UGT1A7: variants seen among roughly 807,000 people sequenced by gnomAD.
The protein encoded by UGT1A7 is UDP-glucuronosyltransferase 1A7.
UGT1A7 carries 33 observed loss-of-function variants against 45.6 expected under a neutral mutation model. That is an observed-to-expected ratio of 0.72 (90% confidence interval 0.55 to 0.97). The LOEUF (loss-of-function observed/expected upper bound fraction) is 0.97. UGT1A7 is among the 50% of genes least tolerant of loss of function. The pLI is 0.00. For synonymous variants in UGT1A7, 274 were observed against 250.6 expected, an observed-to-expected ratio of 1.09 and a Z score of -0.88; for missense variants, 684 against 666.2, an observed-to-expected ratio of 1.03 and a Z score of -0.29.
chr2:233,718,208 A>C (rs934013354), intron 1 of UGT1A7, among the ~76,000 whole-genome samples: 2 of 152,102 alleles, frequency 1.3e-5, no homozygotes, highest in Non-Finnish European at 2.9e-5. Context: ...TTTTTTTTAT[A>C]TTGACAGCCA....
intron 1 of UGT1A7, among the ~76,000 whole-genome samples, chr2:233,739,592 T>C (rs1481710171): frequency 2.0e-5 from 3 of 152,236 alleles, no homozygotes; most frequent in South Asian, 2.1e-4. Flanking sequence ...ATGGGGCCTA[T>C]AGCCCCTTTG....
At chr2:233,727,146 G>T (rs2077588157) in intron 1 of UGT1A7, among the ~76,000 whole-genome samples, 1 of 152,194 alleles carries the variant, frequency 6.6e-6, no homozygotes, top group Non-Finnish European at 1.5e-5. Context: ...GACCACACAG[G>T]TCAGTCTTTC....
At chr2:233,759,276 T>C (rs943055975) in intron 1 of UGT1A7, among the ~76,000 whole-genome samples, 1 of 152,134 alleles carries the variant, frequency 6.6e-6, no homozygotes, top group African/African-American at 2.4e-5. Context: ...TGCATTCTGA[T>C]TGGTTGATGA....
Position 233,772,250 on chromosome 2 carries a change from CT to C in UGT1A7, c.1296-9del, listed in dbSNP as rs1325171114. 1.9e-6 allele frequency: 3 copies of C among 1,614,110 alleles called. No homozygotes were observed. Reference sequence around the variant, plus strand: ...GGTGTTCCAGGCATAACGAAACTGTCTTTGTGTTTAGTTACAAGGAGAACAT... The same window carrying C: ...GGTGTTCCAGGCATAACGAAACTGTCTTGTGTTTAGTTACAAGGAGAACAT... On this transcript the variant is annotated splice_polypyrimidine_tract_variant and intron_variant, in intron 4 of 4. Coordinates refer to ENST00000373426, the MANE Select transcript of UGT1A7 (RefSeq NM_019077.3).
At chr2:233,713,498 T>A in intron 1 of UGT1A7, 1 of 1,614,012 alleles carries the variant, frequency 6.2e-7, no homozygotes, top group Non-Finnish European at 8.5e-7. Context: ...CGATTCCTGC[T>A]GTGTTTTTCT....
At chr2:233,737,798 AC>A (rs2125811044) in intron 1 of UGT1A7, among the ~76,000 whole-genome samples, 1 of 151,388 alleles carries the variant, frequency 6.6e-6, no homozygotes, top group African/African-American at 2.4e-5. Flanking sequence ...TCAAATCTTC[AC>A]TATCATCTCA....
At chr2:233,731,616 A>C (rs1404847931) in intron 1 of UGT1A7, among the ~76,000 whole-genome samples, 2 of 152,182 alleles carry the variant, frequency 1.3e-5, no homozygotes, top group Non-Finnish European at 2.9e-5. Flanking sequence ...ACATGAACTC[A>C]TCCTTTTTTA....
chr2:233,744,670 C>T (rs1462469986), intron 1 of UGT1A7, among the ~76,000 whole-genome samples: 1 of 151,906 alleles, frequency 6.6e-6, no homozygotes, highest in Non-Finnish European at 1.5e-5. Flanking sequence ...TGATATTACA[C>T]ATCACCCATG....
At chr2:233,725,394 T>G (rs2077443989) in intron 1 of UGT1A7, among the ~76,000 whole-genome samples, 1 of 151,450 alleles carries the variant, frequency 6.6e-6, no homozygotes, top group Admixed American at 6.6e-5. Flanking sequence ...ATAGGTTACC[T>G]TGATGGTCTA....
At chr2:233,709,335 C>T (rs1308600702) in intron 1 of UGT1A7, among the ~76,000 whole-genome samples, 1 of 152,154 alleles carries the variant, frequency 6.6e-6, no homozygotes, top group African/African-American at 2.4e-5. Flanking sequence ...ACTAGTTTGT[C>T]ATATAAACCT....
At chr2:233,744,055 C>T (rs115067532) in intron 1 of UGT1A7, 5 of 645,238 alleles carry the variant, frequency 7.7e-6, no homozygotes, top group Admixed American at 3.6e-5. Flanking sequence ...TCTCATTGGT[C>T]GAGGCCTATG....
At chr2:233,728,395 C>A (rs989594953) in intron 1 of UGT1A7, among the ~76,000 whole-genome samples, 4 of 152,120 alleles carry the variant, frequency 2.6e-5, no homozygotes, top group Non-Finnish European at 4.4e-5. Context: ...GTTGTCTTGC[C>A]CATGTGTGCT....
chr2:233,727,005 A>C (rs937597843), intron 1 of UGT1A7, among the ~76,000 whole-genome samples: 3 of 152,154 alleles, frequency 2.0e-5, no homozygotes, highest in African/African-American at 4.8e-5. Context: ...GCAAAGTTTT[A>C]TCATTTGTTG....
intron 1 of UGT1A7, chr2:233,722,079 A>C (rs1416421217): frequency 4.1e-6 from 1 of 244,000 alleles, no homozygotes; most frequent in African/African-American, 2.3e-5. Context: ...AAGAATTTTC[A>C]CAGATCACCT....
intron 1 of UGT1A7, among the ~76,000 whole-genome samples, chr2:233,738,487 G>C (rs2125816251): frequency 6.6e-6 from 1 of 152,316 alleles, no homozygotes; most frequent in African/African-American, 2.4e-5. Flanking sequence ...GAGACTTGTT[G>C]AACGGTTTTG....
chr2:233,723,624 C>T (rs1286064208), intron 1 of UGT1A7, among the ~76,000 whole-genome samples: 6 of 104,762 alleles, frequency 5.7e-5, no homozygotes, highest in Admixed American at 2.0e-4. Context: ...GGAAGGTCAG[C>T]AGATAAACAA....
At chr2:233,728,608 G>C (rs535590480) in intron 1 of UGT1A7, among the ~76,000 whole-genome samples, 2 of 152,172 alleles carry the variant, frequency 1.3e-5, no homozygotes, top group South Asian at 2.1e-4. Context: ...CAGCCTCCAC[G>C]CTGTTCAGAG....
chr2:233,719,268 T>C (rs12468274), intron 1 of UGT1A7: 110,466 of 1,614,086 alleles, frequency 0.068, 5,154 homozygotes, highest in South Asian at 0.18. Context: ...TGATGTGGTT[T>C]TAACAGACCC....
chr2:233,726,222 AT>A (rs1211816724), intron 1 of UGT1A7, among the ~76,000 whole-genome samples: 6 of 152,202 alleles, frequency 3.9e-5, no homozygotes, highest in Middle Eastern at 3.2e-3. Flanking sequence ...TTTAGAAAAC[AT>A]TTTTTAAAAC....
Sources: gnomAD v4.1 joint callset for allele counts (sites outside exome capture counted in the v4.1 genomes callset) on GRCh38, gnomAD v4.1.1 for gene constraint, MANE v1.5 for transcripts, NCBI Gene and HGNC (gene_info 2026-07-23, HGNC 2026-07-21) for gene names.